TERT: variants seen among roughly 807,000 people sequenced by gnomAD.
TERT encodes the protein telomerase catalytic subunit.
In TERT, 42 loss-of-function variants were observed where a neutral mutation model predicts 104.0. The observed-to-expected ratio is 0.40, with a 90% CI of 0.32 to 0.52. The LOEUF is 0.52. Ranked by LOEUF, TERT falls within the 20% of genes least tolerant of loss-of-function variation. TERT has a pLI of 0.43. For missense variants in TERT, 1,101 were observed against 1,610.3 expected (o/e 0.68, Z 5.41); for synonymous variants, 781 against 725.6 (o/e 1.08, Z -1.23).
intron 9 of TERT, among the ~76,000 whole-genome samples, chr5:1,267,920 A>C (rs556204073): frequency 6.6e-6 from 1 of 152,160 alleles, no homozygotes; most frequent in Non-Finnish European, 1.5e-5. Context: ...CCAACATGGC[A>C]CATGTATACA....
rs865985951 is a variant in TERT at position 1,262,141 on chromosome 5, T to C, written c.2844-1541A>G. Among the ~76,000 whole-genome samples the C allele has an allele frequency of 2.0e-5, 3 of 152,214 alleles. No homozygotes were observed. The South Asian group carries it at 6.2e-4, about 32-fold the overall frequency. On this transcript the variant is annotated intron_variant, in intron 11 of 15. Transcript: ENST00000310581. This position sits in a 1 kb window ranked among gnomAD's most constrained non-coding sequence, Gnocchi z 5.6. ...TCACCTCCCTTCCCTTTGAGTCTTTTGTTTTATTTCTGTTGCTGGTGTTGT... is the reference window on the plus strand; with the variant it reads ...TCACCTCCCTTCCCTTTGAGTCTTTCGTTTTATTTCTGTTGCTGGTGTTGT...
rs1751289309 is a variant in TERT at position 1,294,828 on chromosome 5, G to A, written c.162C>T (p.Cys54=). The change falls in exon 1 of 16, where the codon TGC becomes TGT. Residue 54 remains cysteine, a synonymous_variant. Coordinates refer to ENST00000310581, the MANE Select transcript of TERT (RefSeq NM_198253.3). The part of the protein sequence containing the change: ...PAAFRALVAQ[C]LVCVPWDARP... ...GTGCGTCCCAGGGCACGCACACCAG[G>A]CACTGGGCCACCAGCGCGCGGAAAG... 2 of 1,485,914 alleles carry A rather than the reference G, an allele frequency of 1.3e-6. No homozygotes were observed. The highest frequency in any genetic ancestry group is 1.8e-6 in the Non-Finnish European group (2 of 1,126,592). 92.0% of individuals were successfully genotyped at this position (1,485,914 alleles called of 1,614,324 possible). A position where few individuals can be genotyped will look rare whatever the true frequency, so the allele number is the denominator to read the frequency against.
chr5:1,264,451 G>C lies in TERT; in HGVS notation c.2796C>G (p.Gly932=), dbSNP rs375675196. 2.5e-6 allele frequency: 4 copies of C among 1,613,708 alleles called. No individual in the cohort carries two copies. Among genetic ancestry groups the C allele is most frequent in the African/African-American group, 1.3e-5 (1 of 75,068 alleles). The change falls in exon 11 of 16, where the codon GGC becomes GGG. Residue 932 remains glycine (G), a synonymous_variant. Coordinates refer to ENST00000310581, the MANE Select transcript of TERT (RefSeq NM_198253.3). The stretch of plus-strand genomic sequence containing the variant: ...CCAGGGTCCGGGTATCCAGCAGCAG[G>C]CCGCACCAGGGGAATAGGCCGTGGG... ...MPAHGLFPWC[G]LLLDTRTLEV...
rs1486104235 is a variant in TERT, at chr5:1,288,994, G to C, written c.1573+4319C>G. Reference sequence around the variant, plus strand: ...CACTGCGCCTGCACCATCTACCCAGGCAATGGGCAACCGGCGCAGCTGTGG... The same window carrying C: ...CACTGCGCCTGCACCATCTACCCAGCCAATGGGCAACCGGCGCAGCTGTGG... On this transcript the variant is annotated intron_variant, in intron 2 of 15. Transcript: ENST00000310581. The surrounding 1 kb of genome is among the most constrained non-coding windows in gnomAD (Gnocchi z 5.3). Among the ~76,000 whole-genome samples, 1 of 152,174 alleles carries C rather than the reference G, an allele frequency of 6.6e-6. No individual in the cohort carries two copies. Among genetic ancestry groups the C allele is most frequent in the East Asian group, 1.9e-4 (1 of 5,194 alleles).
In TERT at chr5:1,274,353, A is replaced by T. The variant is rs190720319; in HGVS notation, c.2287-2073T>A. ...GCGGAAAGCATCACAGAAATCCGTA[A>T]TTATTCTGGACTCAACACAGAAAAG... On this transcript the variant is annotated intron_variant, in intron 6 of 15. Coordinates refer to ENST00000310581, the MANE Select transcript of TERT (RefSeq NM_198253.3). The surrounding 1 kb of genome is among the most constrained non-coding windows in gnomAD (Gnocchi z 5.3). 1.5e-3 allele frequency among the ~76,000 whole-genome samples: 229 copies of T among 152,334 alleles called. 1 individual carries two copies. Among genetic ancestry groups the T allele is most frequent in the Non-Finnish European group, 2.6e-3 (175 of 68,028 alleles).
At chr5:1,254,292 C>G in intron 15 of TERT, 76 bp downstream of exon 15, 1 of 1,601,076 alleles carries the variant, frequency 6.2e-7, no homozygotes, top group Non-Finnish European at 8.5e-7. Flanking sequence ...GCATCTGAGG[C>G]TGCTCGCCCC....
intron 2 of TERT, among the ~76,000 whole-genome samples, chr5:1,291,093 T>C (rs376411339): frequency 0.011 from 320 of 28,486 alleles, 3 homozygotes; most frequent in Middle Eastern, 0.036. Flanking sequence ...CAGGGACACC[T>C]GGGGACCGCG....
chr5:1,260,400 G>GCGCACA lies in TERT; in HGVS notation c.2970+73_2970+74insTGTGCG, dbSNP rs1554038794. 1.8e-4 allele frequency: 262 copies of GCGCACA among 1,491,144 alleles called. No homozygotes were observed. The Middle Eastern group carries it at 2.3e-3, about 13-fold the overall frequency. The allele number at this position is 1,491,144 out of a possible 1,614,324, so 92.4% of individuals were successfully genotyped here. ...CACCATCAGCCTTGCAGGCACGCGCGCACACACACACACACATACTTGCGC... is the reference window on the plus strand; with the variant it reads ...CACCATCAGCCTTGCAGGCACGCGCGCGCACACACACACACACACACATACTTGCGC... On this transcript the variant is annotated intron_variant, in intron 12 of 15. Transcript: ENST00000310581.
chr5:1,266,656 G>A (rs187572751), intron 9 of TERT, 121 bp from the exon 10 acceptor site: 59 of 904,766 alleles, frequency 6.5e-5, no homozygotes, highest in Middle Eastern at 2.1e-4. Context: ...TCTCCAAAGC[G>A]GTTAAATGAA....
chr5:1,285,269 C>T (rs1246321489), intron 2 of TERT, among the ~76,000 whole-genome samples: 1 of 151,676 alleles, frequency 6.6e-6, no homozygotes, highest in Non-Finnish European at 1.5e-5. Context: ...GTGCACCATC[C>T]GGACACTGCA....
At position 1,274,669 on chromosome 5, in the gene TERT, C is replaced by T. The variant is rs1579569286; in HGVS notation, c.2287-2389G>A. Reference sequence around the variant, plus strand: ...GAGAGGGGCGGGGCTCAGGCGGGAACGCTGGCTCCCCACACCCCACCTAGC... The same window carrying T: ...GAGAGGGGCGGGGCTCAGGCGGGAATGCTGGCTCCCCACACCCCACCTAGC... On this transcript the variant is annotated intron_variant, in intron 6 of 15. Coordinates refer to ENST00000310581, the MANE Select transcript of TERT (RefSeq NM_198253.3). The surrounding 1 kb of genome is among the most constrained non-coding windows in gnomAD (Gnocchi z 5.3). Among the ~76,000 whole-genome samples, 1 of 152,204 alleles carries T rather than the reference C, an allele frequency of 6.6e-6. No homozygotes were observed. Among genetic ancestry groups the T allele is most frequent in the East Asian group, 1.9e-4 (1 of 5,198 alleles).
chr5:1,295,019 A>T lies in TERT; in HGVS notation c.-30T>A, dbSNP rs2126693428. The T allele has an allele frequency of 7.8e-7, 1 of 1,279,382 alleles. No homozygotes were observed. Among genetic ancestry groups the T allele is most frequent in the Non-Finnish European group, 9.9e-7 (1 of 1,012,272 alleles). 79.3% of individuals were successfully genotyped at this position (1,279,382 alleles called of 1,614,324 possible). A position where few individuals can be genotyped will look rare whatever the true frequency, so the allele number is the denominator to read the frequency against. On this transcript the variant is annotated 5_prime_UTR_variant, in exon 1 of 16. Coordinates refer to ENST00000310581, the MANE Select transcript of TERT (RefSeq NM_198253.3). ...GGGGTGGCCGGGGCCAGGGCTTCCC[A>T]CGTGCGCAGCAGGACGCAGCGCTGC...
At chr5:1,283,217 G>C (rs866242284) in intron 2 of TERT, among the ~76,000 whole-genome samples, 14 of 141,866 alleles carry the variant, frequency 9.9e-5, no homozygotes, top group African/African-American at 3.5e-4. Flanking sequence ...CTAACCGCAG[G>C]GCCTGGTGAC....
Position 1,294,228 on chromosome 5 carries a change from C to A in TERT, c.658G>T (p.Gly220Cys). 1 of 1,586,432 alleles carries A rather than the reference C, an allele frequency of 6.3e-7. No homozygotes were observed. Among genetic ancestry groups the A allele is most frequent in the Non-Finnish European group, 8.5e-7 (1 of 1,172,320 alleles). Residue 220 changes from glycine to cysteine, a missense_variant, in exon 2 of 16, where the codon GGT becomes TGT. Physicochemically the swap from Gly to Cys is radical, Grantham distance 159. Around this residue, in one of 5 missense-constraint regions of TERT, gnomAD observed 504 missense variants for 544.6 expected, o/e 0.93. Coordinates refer to ENST00000310581, the MANE Select transcript of TERT (RefSeq NM_198253.3). ...GCACTGCCCCCGCGCCTCCTCGCAC[C>A]CGGGGCTGGCAGGCCCAGGGGGACC... ...AGVPLGLPAP[G>C]ARRRGGSASR...
intron 2 of TERT, among the ~76,000 whole-genome samples, chr5:1,285,728 C>A (rs1018065693): frequency 2.6e-5 from 4 of 151,782 alleles, no homozygotes; most frequent in South Asian, 2.1e-4. Context: ...CGCCACCACG[C>A]CCAGCTAATT....
Position 1,273,097 on chromosome 5 carries a change from C to T in TERT, c.2287-817G>A, listed in dbSNP as rs113286294. On this transcript the variant is annotated intron_variant, in intron 6 of 15. Coordinates refer to ENST00000310581, the MANE Select transcript of TERT (RefSeq NM_198253.3). ...TCCACAGTCACCACACATCAGACCC[C>T]ACAACCGCCATCCACAGTCACCACA... Among the ~76,000 whole-genome samples the T allele has an allele frequency of 8.9e-4, 80 of 89,534 alleles. 2 individuals are homozygous for T. The highest frequency in any genetic ancestry group is 1.3e-3 in the Non-Finnish European group (53 of 41,780). The allele number at this position is 89,534 out of a possible 152,430, so 58.7% of individuals were successfully genotyped here.
intron 13 of TERT, 64 bp downstream of exon 13, chr5:1,258,533 TC>T (rs1367125454): frequency 1.4e-6 from 2 of 1,450,638 alleles, no homozygotes; most frequent in Admixed American, 2.0e-5. Flanking sequence ...AAGCCCCGGG[TC>T]AGAGGTGAGC....
Position 1,288,432 on chromosome 5 carries a change from T to C in TERT, c.1573+4881A>G, listed in dbSNP as rs2853676. 0.74 allele frequency among the ~76,000 whole-genome samples: 113,244 copies of C among 152,098 alleles called. 42,299 individuals are homozygous for C. Among genetic ancestry groups the C allele is most frequent in the East Asian group, 0.83 (4,297 of 5,162 alleles). On this transcript the variant is annotated intron_variant, in intron 2 of 15. Coordinates refer to ENST00000310581, the MANE Select transcript of TERT (RefSeq NM_198253.3). The surrounding 1 kb of genome is among the most constrained non-coding windows in gnomAD (Gnocchi z 5.3). ...CCCAAGAGGGAAGTCTGACGAAGGC[T>C]GGCGGAGACACCGGCCCTCCACGTG...
In TERT at chr5:1,255,444, G is replaced by T. The variant is rs199517236; in HGVS notation, c.3033-33C>A. The T allele has an allele frequency of 6.2e-6, 10 of 1,613,722 alleles. No individual in the cohort carries two copies. Among genetic ancestry groups the T allele is most frequent in the Non-Finnish European group, 8.5e-6 (10 of 1,179,936 alleles). On this transcript the variant is annotated intron_variant, in intron 13 of 15. Coordinates refer to ENST00000310581, the MANE Select transcript of TERT (RefSeq NM_198253.3). This position sits in a 1 kb window ranked among gnomAD's most constrained non-coding sequence, Gnocchi z 6.9. ...GATGGCGGACAGCGTCAGAGGAAAGGCCTCCTAATCAGACGGTGCTCGTGG... is the reference window on the plus strand; with the variant it reads ...GATGGCGGACAGCGTCAGAGGAAAGTCCTCCTAATCAGACGGTGCTCGTGG...
Sources: gnomAD v4.1 joint callset for allele counts (sites outside exome capture counted in the v4.1 genomes callset) on GRCh38, gnomAD v4.1.1 for gene constraint, gnomAD v4.1.1 regional missense constraint, Gnocchi (gnomAD v3.1) non-coding constraint, MANE v1.5 for transcripts, NCBI Gene and HGNC (gene_info 2026-07-23, HGNC 2026-07-21) for gene names.